The following ERICH3 variants were observed in gnomAD, a reference collection of about 807,000 sequenced individuals.
The protein encoded by ERICH3 is glutamate rich 3.
In ERICH3, 126 loss-of-function variants were observed where a neutral mutation model predicts 131.1. That is an observed-to-expected ratio of 0.96 (90% CI 0.83 to 1.11). ERICH3 has a LOEUF of 1.11. Among genes scored for constraint, ERICH3 ranks in the 50% most tolerant of loss-of-function variants. The pLI is 0.00. For synonymous variants in ERICH3, 695 were observed against 644.6 expected, an observed-to-expected ratio of 1.08 and a Z score of -1.18; for missense variants, 2,050 against 1,810.7, an observed-to-expected ratio of 1.13 and a Z score of -2.40.
At chr1:74,585,753 T>C (rs1420769863) in intron 12 of ERICH3, among the ~76,000 whole-genome samples, 1 of 152,014 alleles carries the variant, frequency 6.6e-6, no homozygotes, top group East Asian at 1.9e-4. Flanking sequence ...CTAAGTACAA[T>C]ATATATGTGT....
At chr1:74,577,797 A>C (rs531955779) in intron 12 of ERICH3, among the ~76,000 whole-genome samples, 61 of 152,274 alleles carry the variant, frequency 4.0e-4, no homozygotes, top group African/African-American at 1.4e-3. Context: ...TGAAAAAAAC[A>C]GTTTAGTTGC....
chr1:74,664,223 A>G (rs189091973), intron 1 of ERICH3, among the ~76,000 whole-genome samples: 3 of 152,174 alleles, frequency 2.0e-5, no homozygotes, highest in Non-Finnish European at 4.4e-5. Flanking sequence ...TGGATGTAGA[A>G]GTTCAAATGA....
intron 12 of ERICH3, among the ~76,000 whole-genome samples, chr1:74,589,070 T>G (rs1232903735): frequency 2.6e-5 from 4 of 152,188 alleles, no homozygotes; most frequent in Admixed American, 1.3e-4. Context: ...CTGTGTAATC[T>G]TTGGTAACTT....
At chr1:74,606,952 A>T in intron 9 of ERICH3, 50 bp from the exon 10 acceptor site, 1 of 1,501,210 alleles carries the variant, frequency 6.7e-7, no homozygotes, top group Non-Finnish European at 9.0e-7. Context: ...TAGACAGCAC[A>T]ATGGAACCTC....
rs753898326 is a variant in ERICH3, at chr1:74,573,381, C to T, written c.2329G>A (p.Glu777Lys). ...TCTCTGTGCTGGGGCGCTTCATCTT[C>T]CTCCATTGCTTCTTTCTTCTCCAGT... ...YTLEKKEAME[E>K]DEAPQHRDAD... is the part of the protein sequence containing the mutation. The change falls in exon 14 of 15, where the codon GAA (glutamate) becomes AAA (lysine). Residue 777 changes from glutamate (E) to lysine (K), a missense_variant. By Grantham distance (56) the Glu-to-Lys change is moderately conservative. Transcript: ENST00000326665. 1.9e-6 allele frequency: 3 copies of T among 1,608,938 alleles called. No homozygotes were observed. In the African/African-American group the frequency reaches 4.0e-5, roughly 22 times the overall value.
chr1:74,579,555 T>C (rs1442214022), intron 12 of ERICH3: 1 of 985,254 alleles, frequency 1.0e-6, no homozygotes, highest in Admixed American at 6.2e-5. Context: ...TCAGCAAGAA[T>C]GGGATGCTGG....
chr1:74,589,830 C>T lies in ERICH3; in HGVS notation c.1977G>A (p.Met659Ile), dbSNP rs1289434597. ...ITKADVETKP[M>I]PIDESFENVL... ...CATTCTCAAAGCTTTCGTCTATTGG[C>T]ATCGGCTTGGTCTCCACATCTGCTT... Residue 659 changes from methionine (M) to isoleucine (I), a missense_variant, in exon 12 of 15, where the codon ATG becomes ATA. Coordinates refer to ENST00000326665, the MANE Select transcript of ERICH3 (RefSeq NM_001002912.5). The T allele has an allele frequency of 1.2e-6, 2 of 1,614,126 alleles. No individual in the cohort carries two copies. Among genetic ancestry groups the T allele is most frequent in the Admixed American group, 1.7e-5 (1 of 60,018 alleles).
At chr1:74,585,575 A>G (rs1647289530) in intron 12 of ERICH3, among the ~76,000 whole-genome samples, 1 of 152,170 alleles carries the variant, frequency 6.6e-6, no homozygotes, top group Non-Finnish European at 1.5e-5. Context: ...CATTAATTGT[A>G]TATGATTTTT....
At chr1:74,594,658 C>T (rs189827251) in intron 11 of ERICH3, among the ~76,000 whole-genome samples, 17 of 152,200 alleles carry the variant, frequency 1.1e-4, no homozygotes, top group Admixed American at 1.1e-3. Context: ...ATCCACTGTA[C>T]ATGTTCATAA....
chr1:74,581,110 A>T (rs1008153513), intron 12 of ERICH3, among the ~76,000 whole-genome samples: 1 of 152,112 alleles, frequency 6.6e-6, no homozygotes, highest in Non-Finnish European at 1.5e-5. Context: ...AAATTAATGA[A>T]TTTTTTTCAA....
chr1:74,606,479 A>T, intron 10 of ERICH3, 122 bp downstream of exon 10: 1 of 1,008,558 alleles, frequency 9.9e-7, no homozygotes, highest in South Asian at 1.7e-5. Context: ...GGTCAGGGGC[A>T]CCCCACATGT....
intron 10 of ERICH3, among the ~76,000 whole-genome samples, chr1:74,605,653 C>T (rs568422921): frequency 1.3e-5 from 2 of 151,810 alleles, no homozygotes; most frequent in African/African-American, 4.8e-5. Context: ...GACTGGAGAA[C>T]AGCTGGTCAG....
chr1:74,605,992 A>G (rs571910449), intron 10 of ERICH3, among the ~76,000 whole-genome samples: 1 of 119,054 alleles, frequency 8.4e-6, no homozygotes, highest in African/African-American at 3.2e-5. Context: ...ATGTATATAT[A>G]TGAATGCGCG....
At position 74,649,258 on chromosome 1, in the gene ERICH3, A is replaced by G. The variant is rs369626681; in HGVS notation, c.81T>C (p.Asn27=). 1.4e-5 allele frequency: 23 copies of G among 1,612,614 alleles called. No homozygotes were observed. The highest frequency in any genetic ancestry group is 2.0e-5 in the Non-Finnish European group (23 of 1,179,240). The change falls in exon 2 of 15, where the codon AAT becomes AAC. Residue 27 remains asparagine, a synonymous_variant. Transcript: ENST00000326665. ...MDKHLAGYFN[N]TRIRRHLLRS... ...TTAAGAGATGACGCCTTATCCTTGTATTGTTAAAATACCCAGCCAGGTGTT... is the reference window on the plus strand; with the variant it reads ...TTAAGAGATGACGCCTTATCCTTGTGTTGTTAAAATACCCAGCCAGGTGTT...
At chr1:74,642,958 A>T in intron 4 of ERICH3, 69 bp downstream of exon 4, 1 of 1,187,178 alleles carries the variant, frequency 8.4e-7, no homozygotes, top group Non-Finnish European at 1.2e-6. Context: ...CTGGAATCAT[A>T]GTTTCACTGT....
intron 8 of ERICH3, among the ~76,000 whole-genome samples, chr1:74,617,736 C>CT (rs1649038146): frequency 6.6e-6 from 1 of 152,188 alleles, no homozygotes; most frequent in African/African-American, 2.4e-5. Flanking sequence ...TCCTGAAGTG[C>CT]TGGAGATGTC....
In ERICH3 at chr1:74,572,147, GTGTCTC is replaced by G. The variant is rs756764022; in HGVS notation, c.3557_3562del (p.Arg1186_Asp1187del). ...CAGCTCTTCTCTGTCTTTGTGCTCT[GTGTCTC>G]TGGCTTCACTCAGTCTTTCCCCTCC... On this transcript the variant is annotated inframe_deletion, in exon 14 of 15. Transcript: ENST00000326665. The G allele has an allele frequency of 8.7e-6, 14 of 1,613,920 alleles. No individual in the cohort carries two copies. Among genetic ancestry groups the G allele is most frequent in the Non-Finnish European group, 1.2e-5 (14 of 1,180,014 alleles).
At chr1:74,645,131 A>G (rs1272338911) in intron 3 of ERICH3, among the ~76,000 whole-genome samples, 1 of 152,012 alleles carries the variant, frequency 6.6e-6, no homozygotes, top group Non-Finnish European at 1.5e-5. Flanking sequence ...CCCACAGAGA[A>G]AAGTCATCCT....
At chr1:74,604,671 A>C (rs1355742154) in intron 10 of ERICH3, among the ~76,000 whole-genome samples, 1 of 151,946 alleles carries the variant, frequency 6.6e-6, no homozygotes, top group Admixed American at 6.6e-5. Flanking sequence ...ATTGTCAATG[A>C]GTGGTAAGAT....
Sources: allele counts gnomAD v4.1 joint callset (sites outside exome capture counted in the v4.1 genomes callset), GRCh38; gene constraint gnomAD v4.1.1; transcripts MANE v1.5; gene names NCBI Gene and HGNC (gene_info 2026-07-23, HGNC 2026-07-21).